Variants in RIMS1 observed in about 807,000 individuals in gnomAD.
The protein encoded by RIMS1 is regulating synaptic membrane exocytosis 1, also known as regulating synaptic membrane exocytosis protein 1.
RIMS1 carries 83 observed loss-of-function variants against 214.1 expected under a neutral mutation model. The observed-to-expected ratio is 0.39, with a 90% confidence interval of 0.32 to 0.47. The LOEUF (loss-of-function observed/expected upper bound fraction) is 0.47, where lower values mean the gene tolerates loss of function less well. Ranked by LOEUF, RIMS1 falls within the 20% of genes least tolerant of loss-of-function variation. The probability of loss-of-function intolerance (pLI) is 0.99; values close to 1 mark genes in which losing one functional copy is unlikely to be tolerated. For missense variants in RIMS1, 2,050 were observed against 2,161.8 expected (o/e 0.95, Z 1.03); for synonymous variants, 793 against 786.8 (o/e 1.01, Z -0.13).
intron 4 of RIMS1, among the ~76,000 whole-genome samples, chr6:72,176,628 C>T (rs1291674557): frequency 1.3e-5 from 2 of 151,934 alleles, no homozygotes; most frequent in South Asian, 2.1e-4. Context: ...GGATTGACTA[C>T]ACTTATAGTT....
chr6:72,211,570 G>A (rs1278834001), intron 6 of RIMS1, among the ~76,000 whole-genome samples: 1 of 152,062 alleles, frequency 6.6e-6, no homozygotes, highest in African/African-American at 2.4e-5. Context: ...TTTTCATATA[G>A]TACTTCAGTA....
At chr6:71,999,279 GA>G in intron 2 of RIMS1, among the ~76,000 whole-genome samples, 1 of 151,942 alleles carries the variant, frequency 6.6e-6, no homozygotes. Context: ...AAATACATTG[GA>G]AAGGACTCCC....
chr6:71,922,622 G>A (rs570111840), intron 1 of RIMS1, among the ~76,000 whole-genome samples: 2 of 152,208 alleles, frequency 1.3e-5, no homozygotes, highest in Non-Finnish European at 1.5e-5. Context: ...TCCTTTTTAT[G>A]GCTGAATAAC....
chr6:72,151,458 C>T (rs2043573711), intron 4 of RIMS1, among the ~76,000 whole-genome samples: 1 of 152,156 alleles, frequency 6.6e-6, no homozygotes, highest in Non-Finnish European at 1.5e-5. Flanking sequence ...TCTGATTTTT[C>T]TATAGCTTCC....
chr6:72,039,535 A>C (rs1820842179), intron 2 of RIMS1, among the ~76,000 whole-genome samples: 1 of 152,070 alleles, frequency 6.6e-6, no homozygotes, highest in Non-Finnish European at 1.5e-5. Context: ...TATTGTTAAA[A>C]TATTGAAACA....
intron 2 of RIMS1, among the ~76,000 whole-genome samples, chr6:71,981,267 C>T (rs771369995): frequency 3.9e-5 from 6 of 152,068 alleles, no homozygotes; most frequent in Non-Finnish European, 7.4e-5. Flanking sequence ...GTTACTGTCT[C>T]CATTTTACAT....
chr6:72,317,855 A>AGGATT (rs1477382348), intron 28 of RIMS1, among the ~76,000 whole-genome samples: 1 of 152,190 alleles, frequency 6.6e-6, no homozygotes, highest in African/African-American at 2.4e-5. Flanking sequence ...ATCTATGAAG[A>AGGATT]GGATTTGTCA....
At chr6:72,298,911 G>T (rs1234067205) in intron 26 of RIMS1, among the ~76,000 whole-genome samples, 1 of 151,980 alleles carries the variant, frequency 6.6e-6, no homozygotes. Context: ...GGCTTGAAAA[G>T]TTAACCAAGG....
intron 2 of RIMS1, among the ~76,000 whole-genome samples, chr6:72,075,491 T>A (rs964358748): frequency 1.3e-5 from 2 of 152,206 alleles, no homozygotes; most frequent in South Asian, 4.1e-4. Context: ...TTAAGAAACA[T>A]GTAATAATCA....
intron 29 of RIMS1, among the ~76,000 whole-genome samples, chr6:72,369,193 T>C (rs904098039): frequency 2.2e-4 from 34 of 151,386 alleles, no homozygotes; most frequent in African/African-American, 7.8e-4. Context: ...ACCAAGCCAA[T>C]TGAAATGATA....
At chr6:72,279,928 A>G (rs1177906048) in intron 23 of RIMS1, among the ~76,000 whole-genome samples, 3 of 152,014 alleles carry the variant, frequency 2.0e-5, no homozygotes, top group Non-Finnish European at 4.4e-5. Context: ...ATGTTAAAAC[A>G]TCCATTAGGC....
intron 7 of RIMS1, 58 bp downstream of exon 7, chr6:72,233,898 C>T: frequency 9.0e-7 from 1 of 1,115,014 alleles, no homozygotes; most frequent in Non-Finnish European, 1.3e-6. Context: ...CGTTAATTGT[C>T]CTTTGTCTGA....
At chr6:72,305,114 A>G (rs973185324) in intron 26 of RIMS1, among the ~76,000 whole-genome samples, 2 of 152,032 alleles carry the variant, frequency 1.3e-5, no homozygotes, top group African/African-American at 4.8e-5. Flanking sequence ...TTAGTTTTAC[A>G]TTTTGCAAAT....
At chr6:72,397,801 G>A (rs4509083) in intron 31 of RIMS1, among the ~76,000 whole-genome samples, 56 of 145,806 alleles carry the variant, frequency 3.8e-4, no homozygotes, top group African/African-American at 1.3e-3. Flanking sequence ...CTGATAGATA[G>A]ATAAATAGAT....
intron 4 of RIMS1, among the ~76,000 whole-genome samples, chr6:72,110,846 A>T (rs2035930729): frequency 6.6e-6 from 1 of 152,152 alleles, no homozygotes; most frequent in African/African-American, 2.4e-5. Context: ...GATTTGTCAT[A>T]GATAGCTCTT....
chr6:71,948,603 G>A (rs544148918), intron 1 of RIMS1, among the ~76,000 whole-genome samples: 2 of 152,334 alleles, frequency 1.3e-5, no homozygotes, highest in East Asian at 3.9e-4. Context: ...TCATAAAGAT[G>A]TTGTGAAGAT....
intron 22 of RIMS1, among the ~76,000 whole-genome samples, chr6:72,271,282 AAAAAATATAT>A (rs1459279290): frequency 5.1e-3 from 345 of 68,218 alleles, no homozygotes; most frequent in Middle Eastern, 0.018. Flanking sequence ...AAAAAAAAAA[AAAAAATATAT>A]ATATATATAT....
intron 2 of RIMS1, among the ~76,000 whole-genome samples, chr6:72,071,537 G>T (rs1401763722): frequency 6.6e-6 from 1 of 152,134 alleles, no homozygotes; most frequent in Non-Finnish European, 1.5e-5. Flanking sequence ...GAGACAGTAA[G>T]GTCCTATATG....
At chr6:71,968,572 T>A (rs140715047) in intron 1 of RIMS1, among the ~76,000 whole-genome samples, 42 of 152,312 alleles carry the variant, frequency 2.8e-4, no homozygotes, top group Non-Finnish European at 5.9e-4. Context: ...AAGAAAAGTC[T>A]GTATTTTTTA....
Sources: gnomAD v4.1 joint callset for allele counts (sites outside exome capture counted in the v4.1 genomes callset) on GRCh38, gnomAD v4.1.1 for gene constraint, MANE v1.5 for transcripts, NCBI Gene and HGNC (gene_info 2026-07-23, HGNC 2026-07-21) for gene names.